The following DSCAM variants were observed in gnomAD, a reference collection of about 807,000 sequenced individuals.
DSCAM encodes DS cell adhesion molecule.
In DSCAM, 47 loss-of-function variants were observed where a neutral mutation model predicts 217.7. The observed-to-expected ratio is 0.22, with a 90% confidence interval of 0.17 to 0.28. DSCAM has a LOEUF of 0.28. Ranked by LOEUF, DSCAM falls within the 10% of genes least tolerant of loss-of-function variation. The pLI, the probability that DSCAM is intolerant of heterozygous loss-of-function variation, is 1.00. For missense variants in DSCAM, 2,080 were observed against 2,618.3 expected, an observed-to-expected ratio of 0.79 and a Z score of 4.49; for synonymous variants, 1,056 against 1,015.3, an observed-to-expected ratio of 1.04 and a Z score of -0.76.
intron 32 of DSCAM, among the ~76,000 whole-genome samples, chr21:40,023,141 C>T (rs62235575): frequency 0.16 from 24,194 of 150,688 alleles, 2,020 homozygotes; most frequent in Middle Eastern, 0.22. Flanking sequence ...TTTGTTCTTG[C>T]GATAGTTTAC....
intron 3 of DSCAM, among the ~76,000 whole-genome samples, chr21:40,494,270 A>C: frequency 6.6e-6 from 1 of 152,170 alleles, no homozygotes; most frequent in East Asian, 1.9e-4. Context: ...TGGATTTAAA[A>C]AGAACACAAC....
chr21:40,179,442 T>C lies in DSCAM; in HGVS notation c.2780-348A>G, dbSNP rs140951011. ...TTCCAGTGGTGGAAGCTCAGGTTAGTGGAATGGACGATGGCCACTGTAAGC... is the reference window on the plus strand; with the variant it reads ...TTCCAGTGGTGGAAGCTCAGGTTAGCGGAATGGACGATGGCCACTGTAAGC... On this transcript the variant is annotated intron_variant, in intron 14 of 32. Transcript: ENST00000400454. 3.3e-3 allele frequency among the ~76,000 whole-genome samples: 503 copies of C among 152,134 alleles called. 4 individuals carry two copies. Among genetic ancestry groups the C allele is most frequent in the African/African-American group, 0.012 (486 of 41,522 alleles).
rs377559660 is a variant in DSCAM, at chr21:40,356,334, C to T, written c.656-2591G>A. 5.3e-5 allele frequency among the ~76,000 whole-genome samples: 8 copies of T among 151,864 alleles called. No homozygotes were observed. The East Asian group carries it at 1.4e-3, about 26-fold the overall frequency. On this transcript the variant is annotated intron_variant, in intron 4 of 32. Transcript: ENST00000400454. ...TCACATACACACACATACATACATACACACACAAATGTTAACTATGTGAGG... is the reference window on the plus strand; with the variant it reads ...TCACATACACACACATACATACATATACACACAAATGTTAACTATGTGAGG...
At chr21:40,564,710 G>C (rs2076751767) in intron 3 of DSCAM, among the ~76,000 whole-genome samples, 1 of 152,176 alleles carries the variant, frequency 6.6e-6, no homozygotes. Context: ...ACCTGCCAAG[G>C]CTAGACCCTT....
intron 8 of DSCAM, among the ~76,000 whole-genome samples, chr21:40,330,820 AAG>A (rs1369066841): frequency 2.0e-5 from 3 of 152,256 alleles, no homozygotes; most frequent in African/African-American, 4.8e-5. Flanking sequence ...TTAAATTAAA[AAG>A]AGAGTATAAA....
At chr21:40,365,787 C>G (rs1261702843) in intron 4 of DSCAM, among the ~76,000 whole-genome samples, 1 of 152,144 alleles carries the variant, frequency 6.6e-6, no homozygotes, top group African/African-American at 2.4e-5. Flanking sequence ...AGTTTTCACT[C>G]TAGCTCCTAA....
chr21:40,757,429 TCATG>T (rs1036624810), intron 1 of DSCAM, among the ~76,000 whole-genome samples: 5 of 152,240 alleles, frequency 3.3e-5, no homozygotes, highest in African/African-American at 1.2e-4. Flanking sequence ...CTCTCATTCC[TCATG>T]CATGTCCTGT....
At chr21:40,778,238 C>G (rs1020430693) in intron 1 of DSCAM, among the ~76,000 whole-genome samples, 3 of 151,854 alleles carry the variant, frequency 2.0e-5, no homozygotes, top group Non-Finnish European at 4.4e-5. Flanking sequence ...GTAAGCAAAT[C>G]CAAAGAAATA....
chr21:40,233,141 G>A (rs9975586), intron 11 of DSCAM, among the ~76,000 whole-genome samples: 73,759 of 151,768 alleles, frequency 0.49, 18,608 homozygotes, highest in African/African-American at 0.64. Context: ...CAGTTTACCT[G>A]TATAACAAAC....
chr21:40,154,156 T>C (rs969971076), intron 16 of DSCAM, among the ~76,000 whole-genome samples: 21 of 151,540 alleles, frequency 1.4e-4, no homozygotes, highest in African/African-American at 5.1e-4. Flanking sequence ...TCCTCTCCTC[T>C]CTCCTTTCTT....
intron 3 of DSCAM, among the ~76,000 whole-genome samples, chr21:40,623,260 A>G (rs1357455358): frequency 1.3e-5 from 2 of 152,128 alleles, no homozygotes; most frequent in Non-Finnish European, 2.9e-5. Flanking sequence ...CACATTAAAA[A>G]CAACTTTCAT....
intron 1 of DSCAM, among the ~76,000 whole-genome samples, chr21:40,808,238 A>ATC (rs1218694220): frequency 3.9e-5 from 6 of 152,194 alleles, no homozygotes; most frequent in Non-Finnish European, 8.8e-5. Flanking sequence ...ATCAGTCAAC[A>ATC]TCTCTACTCA....
intron 32 of DSCAM, among the ~76,000 whole-genome samples, chr21:40,019,283 C>T (rs529447485): frequency 6.6e-6 from 1 of 152,186 alleles, no homozygotes; most frequent in Non-Finnish European, 1.5e-5. Context: ...TCCCCAGTGC[C>T]CTGCCTGCCA....
Position 40,586,876 on chromosome 21 carries a change from G to A in DSCAM, c.508+105934C>T, listed in dbSNP as rs574544822. ...AGCATATAATTAGACAACAGAAGAAGGCTGGACTCTAAGTGGTAGCAAATA... is the reference window on the plus strand; with the variant it reads ...AGCATATAATTAGACAACAGAAGAAAGCTGGACTCTAAGTGGTAGCAAATA... On this transcript the variant is annotated intron_variant, in intron 3 of 32. Transcript: ENST00000400454. Among the ~76,000 whole-genome samples, 22 of 152,218 alleles carry A rather than the reference G, an allele frequency of 1.4e-4. No individual in the cohort carries two copies. In the East Asian group the frequency reaches 4.2e-3, roughly 29 times the overall value.
chr21:40,448,748 A>G (rs112699386), intron 3 of DSCAM, among the ~76,000 whole-genome samples: 31 of 152,276 alleles, frequency 2.0e-4, no homozygotes, highest in African/African-American at 7.2e-4. Context: ...TTAGGAGTAT[A>G]TTCTCACAAA....
intron 32 of DSCAM, among the ~76,000 whole-genome samples, chr21:40,030,049 C>T (rs1210108263): frequency 1.3e-5 from 2 of 152,212 alleles, no homozygotes; most frequent in East Asian, 1.9e-4. Context: ...AGTACACATG[C>T]ATGGACACAT....
At chr21:40,375,631 T>C (rs2074942850) in intron 3 of DSCAM, among the ~76,000 whole-genome samples, 1 of 152,238 alleles carries the variant, frequency 6.6e-6, no homozygotes, top group Non-Finnish European at 1.5e-5. Flanking sequence ...GTGCATGAGA[T>C]TGGTTTAACA....
chr21:40,528,382 A>G (rs879030557), intron 3 of DSCAM, among the ~76,000 whole-genome samples: 4 of 152,220 alleles, frequency 2.6e-5, no homozygotes, highest in African/African-American at 9.7e-5. Context: ...TATAGTAATT[A>G]CTGGCCTGTT....
intron 5 of DSCAM, among the ~76,000 whole-genome samples, chr21:40,348,923 C>T (rs2074596816): frequency 6.6e-6 from 1 of 151,636 alleles, no homozygotes; most frequent in Non-Finnish European, 1.5e-5. Context: ...GGGAGGATCA[C>T]GAGGTCAGGA....
Sources: allele counts gnomAD v4.1 joint callset (sites outside exome capture counted in the v4.1 genomes callset), GRCh38; gene constraint gnomAD v4.1.1; transcripts MANE v1.5; gene names NCBI Gene and HGNC (gene_info 2026-07-23, HGNC 2026-07-21).